The following MYO1H variants were observed in gnomAD, a reference collection of about 807,000 sequenced individuals.
MYO1H encodes the protein myosin IH, also known as unconventional myosin-Ih.
A neutral mutation model predicts 149.3 loss-of-function variants in MYO1H; 118 were observed. That is an observed-to-expected ratio of 0.79 (90% CI 0.68 to 0.92). The LOEUF (loss-of-function observed/expected upper bound fraction) is 0.92, where lower values mean the gene tolerates loss of function less well. Among genes scored for constraint, MYO1H ranks in the 40% least tolerant of loss-of-function variants. The pLI is 0.00. For missense variants in MYO1H, 1,212 were observed against 1,280.7 expected, an observed-to-expected ratio of 0.95 and a Z score of 0.82; for synonymous variants, 447 against 465.2, an observed-to-expected ratio of 0.96 and a Z score of 0.50.
intron 19 of MYO1H, among the ~76,000 whole-genome samples, chr12:109,432,486 G>A (rs11611370): frequency 0.33 from 50,033 of 152,032 alleles, 8,387 homozygotes; most frequent in Admixed American, 0.4. Context: ...GTTTTCTGTC[G>A]ATGGACATCT....
At chr12:109,316,763 G>A in the MYO1H span, among the ~76,000 whole-genome samples, 57 of 152,112 alleles carry the variant, frequency 3.7e-4, no homozygotes, top group Non-Finnish European at 4.9e-4. Context: ...TGGAGAATAC[G>A]GTGGAGGTCC....
chr12:109,325,595 A>G, the MYO1H span, among the ~76,000 whole-genome samples: 1 of 152,240 alleles, frequency 6.6e-6, no homozygotes, highest in Admixed American at 6.5e-5. Context: ...GGATCTAATT[A>G]AAGAGCTTTT....
At chr12:109,375,243 C>A (rs914955940) in intron 1 of MYO1H, among the ~76,000 whole-genome samples, 4 of 151,354 alleles carry the variant, frequency 2.6e-5, no homozygotes, top group African/African-American at 9.7e-5. Flanking sequence ...GCCTCCACCT[C>A]CCAGGCTCAA....
Position 109,412,505 on chromosome 12 carries a change from A to G in MYO1H, c.1502+520A>G, listed in dbSNP as rs149649973. Among the ~76,000 whole-genome samples, 130 of 152,278 alleles carry G rather than the reference A, an allele frequency of 8.5e-4. 1 individual carries two copies. Among genetic ancestry groups the G allele is most frequent in the African/African-American group, 3.0e-3 (124 of 41,562 alleles). On this transcript the variant is annotated intron_variant, in intron 14 of 31. Transcript: ENST00000310903. ...ATTTTATATCTTCCTTTATTCAGTG[A>G]TCATTATATTTTGGACATGTCTATG...
intron 9 of MYO1H, 58 bp downstream of exon 9, chr12:109,406,918 G>T (rs372843104): frequency 4.3e-5 from 64 of 1,496,376 alleles, no homozygotes; most frequent in Non-Finnish European, 5.6e-6. Flanking sequence ...TGCCTCCCTC[G>T]ATAACAGCAG....
chr12:109,366,781 G>A (rs1362240118), intron 1 of MYO1H, among the ~76,000 whole-genome samples: 1 of 152,188 alleles, frequency 6.6e-6, no homozygotes, highest in East Asian at 1.9e-4. Flanking sequence ...GATGGATGTG[G>A]GTTGAATCTC....
At chr12:109,440,225 G>A (rs1350659929) in intron 24 of MYO1H, among the ~76,000 whole-genome samples, 5 of 152,060 alleles carry the variant, frequency 3.3e-5, no homozygotes, top group Non-Finnish European at 7.4e-5. Context: ...TAGTAGAGAC[G>A]GAGTTTTGCC....
chr12:109,434,590 G>C (rs1293971499), intron 20 of MYO1H, among the ~76,000 whole-genome samples: 1 of 152,204 alleles, frequency 6.6e-6, no homozygotes, highest in African/African-American at 2.4e-5. Flanking sequence ...GGTTACGTTG[G>C]TTTATTCATT....
intron 2 of MYO1H, 23 bp downstream of exon 2, chr12:109,388,867 T>A (rs1869510700): frequency 6.3e-7 from 1 of 1,584,888 alleles, no homozygotes; most frequent in Non-Finnish European, 8.6e-7. Flanking sequence ...ACTTCTCAGC[T>A]GTTTTTCTAG....
intron 1 of MYO1H, among the ~76,000 whole-genome samples, chr12:109,371,300 C>T (rs1013923956): frequency 6.7e-6 from 1 of 149,628 alleles, no homozygotes; most frequent in Non-Finnish European, 1.5e-5. Flanking sequence ...ACTGCAGCCT[C>T]TACCTCCCCG....
At chr12:109,390,752 G>A (rs1313918665) in intron 2 of MYO1H, among the ~76,000 whole-genome samples, 9 of 150,996 alleles carry the variant, frequency 6.0e-5, no homozygotes, top group Admixed American at 4.6e-4. Flanking sequence ...TGCAACCTCC[G>A]CCACCCGGGT....
exon 19 of MYO1H, chr12:109,427,554 A>G (rs1566038704): frequency 3.1e-6 from 5 of 1,612,816 alleles, no homozygotes; most frequent in East Asian, 2.2e-5. Context: ...CTGGTTTTGC[A>G]TACCGAAGGA....
chr12:109,411,084 G>A (rs377487584), intron 13 of MYO1H, among the ~76,000 whole-genome samples: 1 of 152,158 alleles, frequency 6.6e-6, no homozygotes, highest in African/African-American at 2.4e-5. Context: ...AGAGGTTGCA[G>A]TGAGCTGAGA....
chr12:109,325,553 G>A, the MYO1H span, among the ~76,000 whole-genome samples: 1 of 152,148 alleles, frequency 6.6e-6, no homozygotes, highest in Non-Finnish European at 1.5e-5. Context: ...AACACCAAAA[G>A]CAATTTCAAC....
chr12:109,410,140 A>AT lies in MYO1H; in HGVS notation c.1329+72_1329+73insT, dbSNP rs1164588124. ...AAAGACTTCTTTTTTTAATTTAATT[A>AT]ATTTTTTTTTTATTTTTTTGAGACA... On this transcript the variant is annotated intron_variant, in intron 12 of 31. Coordinates refer to ENST00000310903, the Ensembl canonical transcript of MYO1H. 2.7e-5 allele frequency: 21 copies of AT among 789,350 alleles called. No individual in the cohort carries two copies. In the African/African-American group the frequency reaches 3.0e-4, roughly 11 times the overall value. The allele number at this position is 789,350 out of a possible 1,614,324, so 48.9% of individuals were successfully genotyped here.
chr12:109,398,977 G>A (rs1373025561), intron 5 of MYO1H, among the ~76,000 whole-genome samples: 1 of 151,980 alleles, frequency 6.6e-6, no homozygotes, highest in African/African-American at 2.4e-5. Context: ...ACAGAAGTGG[G>A]GCTAAGGCAA....
At chr12:109,310,562 T>C in the MYO1H span, among the ~76,000 whole-genome samples, 1 of 151,170 alleles carries the variant, frequency 6.6e-6, no homozygotes, top group Admixed American at 6.6e-5. Context: ...TGTCCTCGCG[T>C]TATCTACTTC....
chr12:109,316,434 C>G, the MYO1H span, among the ~76,000 whole-genome samples: 2 of 152,190 alleles, frequency 1.3e-5, no homozygotes, highest in Non-Finnish European at 2.9e-5. Context: ...TGGGGCCTTT[C>G]CCATCTCTTC....
chr12:109,433,978 T>C (rs549335023), intron 20 of MYO1H, among the ~76,000 whole-genome samples: 121 of 152,288 alleles, frequency 7.9e-4, no homozygotes, highest in Non-Finnish European at 1.1e-3. Flanking sequence ...GAGGTCAGTA[T>C]TTGTAACTTC....
Sources: gnomAD v4.1 joint callset for allele counts (sites outside exome capture counted in the v4.1 genomes callset) on GRCh38, gnomAD v4.1.1 for gene constraint, MANE v1.5 for transcripts, NCBI Gene and HGNC (gene_info 2026-07-23, HGNC 2026-07-21) for gene names.